Variants in TSC1 observed in about 807,000 individuals in gnomAD.
TSC1 encodes TSC complex subunit 1.
A neutral mutation model predicts 124.3 loss-of-function variants in TSC1; 20 were observed. The observed-to-expected ratio is 0.16, with a 90% CI of 0.11 to 0.23. The LOEUF is 0.23. Among genes scored for constraint, TSC1 ranks in the 10% least tolerant of loss-of-function variants. TSC1 has a pLI of 1.00. For missense variants in TSC1, 1,124 were observed against 1,448.5 expected (o/e 0.78, Z 3.64); for synonymous variants, 493 against 539.1 (o/e 0.91, Z 1.19).
At chr9:132,913,804 C>T (rs1588330900) in intron 8 of TSC1, among the ~76,000 whole-genome samples, 1 of 114,126 alleles carries the variant, frequency 8.8e-6, no homozygotes, top group African/African-American at 3.5e-5. Flanking sequence ...CCAGCCTGGG[C>T]GATAGAGCGA....
intron 2 of TSC1, among the ~76,000 whole-genome samples, chr9:132,934,232 A>G (rs1847344241): frequency 6.6e-6 from 1 of 152,182 alleles, no homozygotes; most frequent in Non-Finnish European, 1.5e-5. Flanking sequence ...TCCTATACAC[A>G]GCTCTGTTGC....
intron 12 of TSC1, among the ~76,000 whole-genome samples, chr9:132,908,438 A>T (rs538693499): frequency 3.3e-5 from 5 of 152,266 alleles, no homozygotes; most frequent in African/African-American, 1.2e-4. Flanking sequence ...TGTAATTGCA[A>T]AAGTAAACAT....
In TSC1 at chr9:132,905,689, T is replaced by G; in HGVS notation, c.1889A>C (p.Lys630Thr). ...VIRKTEELLK[K>T]AKGNTEEDGV... ...ATCTTCCTCTGTGTTTCCTTTTGCTTTCTTTAACAGCTCCTCAGTCTTCCT... is the reference window on the plus strand; with the variant it reads ...ATCTTCCTCTGTGTTTCCTTTTGCTGTCTTTAACAGCTCCTCAGTCTTCCT... Residue 630 changes from lysine to threonine, a missense_variant, in exon 15 of 23, where the codon AAA becomes ACA. By Grantham distance (78) the Lys-to-Thr change is moderately conservative. Coordinates refer to ENST00000298552, the MANE Select transcript of TSC1 (RefSeq NM_000368.5). The G allele has an allele frequency of 1.2e-6, 2 of 1,614,194 alleles. No individual in the cohort carries two copies. Among genetic ancestry groups the G allele is most frequent in the South Asian group, 2.2e-5 (2 of 91,076 alleles).
At chr9:132,932,822 T>C (rs1171881491) in intron 2 of TSC1, among the ~76,000 whole-genome samples, 2 of 152,218 alleles carry the variant, frequency 1.3e-5, no homozygotes, top group African/African-American at 4.8e-5. Flanking sequence ...AGATATCTGA[T>C]GGGCCTCCCC....
chr9:132,911,473 G>A lies in TSC1; in HGVS notation c.1009C>T (p.Leu337=), dbSNP rs1845954330. 1.2e-6 allele frequency: 2 copies of A among 1,613,332 alleles called. No homozygotes were observed. The highest frequency in any genetic ancestry group is 1.7e-6 in the Non-Finnish European group (2 of 1,179,386). ...PQTLSSPSTR[L]ITEPPQATLW... ...CATACTTGTGGTGGTTCAGTTATCAGCCGTGTCGATGGGGAACTCAGAGTC... is the reference window on the plus strand; with the variant it reads ...CATACTTGTGGTGGTTCAGTTATCAACCGTGTCGATGGGGAACTCAGAGTC... The change falls in exon 10 of 23, where the codon CTG becomes TTG. Residue 337 remains leucine, a synonymous_variant. Coordinates refer to ENST00000298552, the MANE Select transcript of TSC1 (RefSeq NM_000368.5).
intron 2 of TSC1, among the ~76,000 whole-genome samples, chr9:132,933,142 T>C (rs1175389600): frequency 6.6e-6 from 1 of 152,220 alleles, no homozygotes; most frequent in African/African-American, 2.4e-5. Context: ...CTTGGCCCAC[T>C]GCAACCTCCA....
chr9:132,910,452 T>C, intron 12 of TSC1, 119 bp downstream of exon 12: 1 of 1,566,798 alleles, frequency 6.4e-7, no homozygotes, highest in Non-Finnish European at 8.8e-7. Context: ...ATTATTCTGA[T>C]TCAAACCCAT....
Position 132,906,810 on chromosome 9 carries a change from A to G in TSC1, c.1359T>C (p.Ser453=), listed in dbSNP as rs1468470312. 6.2e-7 allele frequency: 1 copy of G among 1,614,174 alleles called. No homozygotes were observed. The highest frequency in any genetic ancestry group is 1.1e-5 in the South Asian group (1 of 91,086). ...ACCCTGGAAGATCACTTAGAGTGAC[A>G]GAACCTTTGCTGCCAGGTGGCTCTT... ...GSEEPPGSKG[S]VTLSDLPGFL... Residue 453 remains serine (S), a synonymous_variant, in exon 14 of 23, where the codon TCT becomes TCC. Transcript: ENST00000298552. This position sits in a 1 kb window ranked among gnomAD's most constrained non-coding sequence, Gnocchi z 4.1.
rs531108280 is a variant in TSC1, at chr9:132,941,832, C to T, written c.-144+2711G>A. ...ATTTAGTCAGAATATTTAAATGACACCCCAAAGGACTTTAAATCACAGAAA... is the reference window on the plus strand; with the variant it reads ...ATTTAGTCAGAATATTTAAATGACATCCCAAAGGACTTTAAATCACAGAAA... On this transcript the variant is annotated intron_variant, in intron 1 of 22. Transcript: ENST00000298552. The T allele has an allele frequency of 3.9e-5, 6 of 152,240 alleles. No homozygotes were observed. In the South Asian group the frequency reaches 1.0e-3, roughly 26 times the overall value. 9.4% of individuals were successfully genotyped at this position (152,240 alleles called of 1,614,324 possible). A position where few individuals can be genotyped will look rare whatever the true frequency, so the allele number is the denominator to read the frequency against.
chr9:132,921,864 A>G lies in TSC1; in HGVS notation c.618T>C (p.His206=), dbSNP rs118203415. The G allele has an allele frequency of 5.3e-5, 86 of 1,614,210 alleles. No individual in the cohort carries two copies. In the East Asian group the frequency reaches 1.4e-3, roughly 26 times the overall value. Residue 206 remains histidine, a synonymous_variant, in exon 7 of 23, where the codon CAT becomes CAC. Coordinates refer to ENST00000298552, the MANE Select transcript of TSC1 (RefSeq NM_000368.5). The surrounding 1 kb of genome is among the most constrained non-coding windows in gnomAD (Gnocchi z 4.3). ...TCTCCAGGTTTTCTTTCATACTGTA[A>G]TGAGAACGCAAAAAGGAGACGAAGT... ...PCNFVSFLRS[H]YSMKENLETF... is the part of the protein sequence containing the mutation.
chr9:132,939,193 T>C (rs1027178398), intron 1 of TSC1: 3 of 152,230 alleles, frequency 2.0e-5, no homozygotes, highest in African/African-American at 7.2e-5. Context: ...GGTAATATTC[T>C]ATCAAGTGAA....
At chr9:132,899,568 C>G (rs1404168863) in intron 20 of TSC1, 3 of 152,264 alleles carry the variant, frequency 2.0e-5, no homozygotes, top group Non-Finnish European at 2.9e-5. Context: ...TCTAGAACTT[C>G]TGAGCTCAAG....
chr9:132,908,244 T>C (rs576697734), intron 12 of TSC1, among the ~76,000 whole-genome samples: 40 of 152,362 alleles, frequency 2.6e-4, no homozygotes, highest in African/African-American at 7.9e-4. Flanking sequence ...CATATTCTTA[T>C]TAAAAAACTA....
intron 1 of TSC1, among the ~76,000 whole-genome samples, chr9:132,937,580 AAT>A (rs1847524562): frequency 6.6e-6 from 1 of 152,218 alleles, no homozygotes; most frequent in Non-Finnish European, 1.5e-5. Flanking sequence ...CCTGAAAAGA[AAT>A]ATCTAAGGCA....
chr9:132,909,656 G>T (rs1365577614), intron 12 of TSC1: 2 of 152,098 alleles, frequency 1.3e-5, no homozygotes, highest in Non-Finnish European at 2.9e-5. Context: ...ACTGCATGAG[G>T]GCCAGAGGTC....
At chr9:132,932,026 T>A (rs1847230426) in intron 2 of TSC1, among the ~76,000 whole-genome samples, 1 of 152,202 alleles carries the variant, frequency 6.6e-6, no homozygotes. Flanking sequence ...TAGCCATAAG[T>A]CTCTTTTCCA....
At chr9:132,917,262 A>G (rs183749258) in intron 8 of TSC1, among the ~76,000 whole-genome samples, 10 of 152,020 alleles carry the variant, frequency 6.6e-5, no homozygotes, top group Admixed American at 6.5e-4. Context: ...GGAAACTCAT[A>G]TCCTTCAATC....
chr9:132,914,565 A>T (rs1404797801), intron 8 of TSC1, among the ~76,000 whole-genome samples: 1 of 152,128 alleles, frequency 6.6e-6, no homozygotes, highest in African/African-American at 2.4e-5. Flanking sequence ...TGATTTAAAA[A>T]ATCATGCTTA....
intron 1 of TSC1, chr9:132,941,481 C>G (rs1036183117): frequency 6.6e-6 from 1 of 152,054 alleles, no homozygotes; most frequent in African/African-American, 2.4e-5. Flanking sequence ...ATATTAGTTA[C>G]CAATTCATGA....
Sources: allele counts gnomAD v4.1 joint callset (sites outside exome capture counted in the v4.1 genomes callset), GRCh38; gene constraint gnomAD v4.1.1; non-coding constraint Gnocchi (gnomAD v3.1); transcripts MANE v1.5; gene names NCBI Gene and HGNC (gene_info 2026-07-23, HGNC 2026-07-21).